Variants in POU2F1 observed in about 807,000 individuals in gnomAD.
The protein encoded by POU2F1 is POU class 2 homeobox 1.
POU2F1 carries 16 observed loss-of-function variants against 84.9 expected under a neutral mutation model. That is an observed-to-expected ratio of 0.19 (90% CI 0.13 to 0.29). The LOEUF is 0.29. Among genes scored for constraint, POU2F1 ranks in the 10% least tolerant of loss-of-function variants. The pLI, the probability that POU2F1 is intolerant of heterozygous loss-of-function variation, is 1.00. For missense variants in POU2F1, 738 were observed against 942.6 expected, an observed-to-expected ratio of 0.78 and a Z score of 2.84; for synonymous variants, 368 against 368.3, an observed-to-expected ratio of 1.00 and a Z score of 0.01.
chr1:167,268,818 C>G (rs1373683077), intron 1 of POU2F1, among the ~76,000 whole-genome samples: 1 of 152,132 alleles, frequency 6.6e-6, no homozygotes, highest in Non-Finnish European at 1.5e-5. Context: ...GAAGCTGCAA[C>G]CCAGGAATCC....
intron 1 of POU2F1, among the ~76,000 whole-genome samples, chr1:167,238,433 C>G (rs998889786): frequency 2.6e-5 from 4 of 152,152 alleles, no homozygotes; most frequent in Non-Finnish European, 5.9e-5. Context: ...ATTCCTGGTA[C>G]TAAGATCAGA....
chr1:167,289,369 C>T (rs1653755544), intron 1 of POU2F1, among the ~76,000 whole-genome samples: 1 of 152,108 alleles, frequency 6.6e-6, no homozygotes. Context: ...CTAGTGAGGA[C>T]TAAACAGAAA....
intron 1 of POU2F1, among the ~76,000 whole-genome samples, chr1:167,244,018 G>A (rs1172259545): frequency 1.3e-5 from 2 of 152,050 alleles, no homozygotes; most frequent in African/African-American, 4.8e-5. Flanking sequence ...GAATCATATT[G>A]CCAATCTCCT....
intron 1 of POU2F1, among the ~76,000 whole-genome samples, chr1:167,331,331 G>A (rs1465715186): frequency 6.6e-6 from 1 of 152,124 alleles, no homozygotes; most frequent in East Asian, 1.9e-4. Context: ...TAATTCGACT[G>A]TAAAGAACAT....
intron 13 of POU2F1, among the ~76,000 whole-genome samples, chr1:167,402,094 C>T (rs1649255715): frequency 6.6e-6 from 1 of 152,208 alleles, no homozygotes; most frequent in Admixed American, 6.5e-5. Flanking sequence ...TGATGCCTAG[C>T]TCAGTGCATG....
At chr1:167,400,661 G>A (rs1010272204) in intron 12 of POU2F1, among the ~76,000 whole-genome samples, 2 of 152,186 alleles carry the variant, frequency 1.3e-5, no homozygotes, top group Non-Finnish European at 2.9e-5. Context: ...TACAGTGGTC[G>A]TATGACTCCC....
chr1:167,357,217 C>T (rs1658996115), intron 2 of POU2F1, among the ~76,000 whole-genome samples: 1 of 152,032 alleles, frequency 6.6e-6, no homozygotes, highest in South Asian at 2.1e-4. Flanking sequence ...TAACTGGCCC[C>T]CTTATCTTCT....
intron 8 of POU2F1, among the ~76,000 whole-genome samples, chr1:167,385,579 A>G (rs1435150738): frequency 6.6e-6 from 1 of 152,210 alleles, no homozygotes; most frequent in Admixed American, 6.5e-5. Context: ...AAGTCATTCA[A>G]AAAATGCAGC....
chr1:167,317,835 T>A (rs1020932953), intron 1 of POU2F1, among the ~76,000 whole-genome samples: 1 of 152,228 alleles, frequency 6.6e-6, no homozygotes, highest in African/African-American at 2.4e-5. Context: ...TTTGGGGGCC[T>A]CTTCCCAACA....
intron 1 of POU2F1, among the ~76,000 whole-genome samples, chr1:167,315,599 G>A (rs1655828602): frequency 6.6e-6 from 1 of 152,020 alleles, no homozygotes; most frequent in Admixed American, 6.6e-5. Flanking sequence ...AACATAGTGA[G>A]GACTTGTCTC....
intron 2 of POU2F1, among the ~76,000 whole-genome samples, chr1:167,337,405 A>C (rs1187256409): frequency 1.3e-5 from 2 of 152,162 alleles, no homozygotes; most frequent in African/African-American, 4.8e-5. Flanking sequence ...TTTGGACTCT[A>C]ATGTGATTTG....
At chr1:167,250,060 A>C (rs534087087) in intron 1 of POU2F1, among the ~76,000 whole-genome samples, 1 of 152,294 alleles carries the variant, frequency 6.6e-6, no homozygotes, top group African/African-American at 2.4e-5. Flanking sequence ...CAGTATCTGT[A>C]GTATCAAATT....
intron 13 of POU2F1, among the ~76,000 whole-genome samples, chr1:167,410,968 A>G (rs1649919854): frequency 1.3e-5 from 2 of 152,130 alleles, no homozygotes; most frequent in Non-Finnish European, 2.9e-5. Context: ...TTAGTCATTT[A>G]TATCCAAATG....
intron 1 of POU2F1, among the ~76,000 whole-genome samples, chr1:167,300,596 C>G (rs1482825817): frequency 6.6e-6 from 1 of 152,104 alleles, no homozygotes; most frequent in Non-Finnish European, 1.5e-5. Flanking sequence ...TCCCGAGTAG[C>G]TGGGACTACA....
At chr1:167,374,380 T>G in intron 6 of POU2F1, 84 bp downstream of exon 6, 2 of 1,363,412 alleles carry the variant, frequency 1.5e-6, no homozygotes, top group East Asian at 2.5e-5. Context: ...ACTTTTTGAT[T>G]GTTAGTGTGG....
At chr1:167,412,397 G>GA (rs199959179) in intron 14 of POU2F1, 93 bp downstream of exon 14, 30 of 1,109,432 alleles carry the variant, frequency 2.7e-5, no homozygotes, top group Non-Finnish European at 3.7e-5. Context: ...CTTAGATGGG[G>GA]AAAAAAATGT....
At chr1:167,269,339 A>G (rs897198794) in intron 1 of POU2F1, among the ~76,000 whole-genome samples, 4 of 152,254 alleles carry the variant, frequency 2.6e-5, no homozygotes, top group Admixed American at 2.0e-4. Flanking sequence ...GTATTTGCCT[A>G]CTGTTAACCG....
intron 1 of POU2F1, among the ~76,000 whole-genome samples, chr1:167,280,587 C>G (rs1398216862): frequency 6.6e-6 from 1 of 151,996 alleles, no homozygotes; most frequent in Non-Finnish European, 1.5e-5. Context: ...TTTACATGGC[C>G]CTTTGTGTCA....
chr1:167,381,342 CA>C (rs1244816753), intron 7 of POU2F1, among the ~76,000 whole-genome samples: 1 of 152,176 alleles, frequency 6.6e-6, no homozygotes, highest in East Asian at 1.9e-4. Context: ...CTCGGCCTCC[CA>C]AAGTGCTGGG....
Sources: gnomAD v4.1 joint callset for allele counts (sites outside exome capture counted in the v4.1 genomes callset) on GRCh38, gnomAD v4.1.1 for gene constraint, MANE v1.5 for transcripts, NCBI Gene and HGNC (gene_info 2026-07-23, HGNC 2026-07-21) for gene names.